The following PARD3B variants were observed in gnomAD, a reference collection of about 807,000 sequenced individuals.
The protein encoded by PARD3B is partitioning defective 3 homolog B.
Under a neutral mutation model 130.2 loss-of-function variants are expected in PARD3B, and 103 were observed. That is an observed-to-expected ratio of 0.79 (90% CI 0.67 to 0.93). PARD3B has a LOEUF of 0.93. Among genes scored for constraint, PARD3B ranks in the 40% least tolerant of loss-of-function variants. The probability of loss-of-function intolerance (pLI) is 0.00; values close to 1 mark genes in which losing one functional copy is unlikely to be tolerated. For synonymous variants in PARD3B, 583 were observed against 553.2 expected (o/e 1.05, Z -0.76); for missense variants, 1,609 against 1,499.2 (o/e 1.07, Z -1.21).
chr2:204,800,427 TAG>T (rs532907201), intron 2 of PARD3B, among the ~76,000 whole-genome samples: 2 of 150,882 alleles, frequency 1.3e-5, no homozygotes, highest in Non-Finnish European at 3.0e-5. Context: ...AAAAAGTCAG[TAG>T]AGAGAGAGAG....
rs1192852398 is a variant in PARD3B at position 205,401,021 on chromosome 2, A to G, written c.2639A>G (p.Lys880Arg). The G allele has an allele frequency of 1.3e-6, 2 of 1,596,102 alleles. No individual in the cohort carries two copies. The highest frequency in any genetic ancestry group is 2.7e-5 in the African/African-American group (2 of 74,796). ...CCTTCACGTTTCACTAGATTTGGAA[A>G]GAAGAAAGAGGATAAGGGTGGAAAG... ...KGFGAMLRFGKKKEDKGGKAE... is the reference protein window; with the variant it reads ...KGFGAMLRFGRKKEDKGGKAE... Residue 880 changes from lysine (K) to arginine (R), a missense_variant, in exon 19 of 23, where the codon AAG becomes AGG. Transcript: ENST00000406610.
rs112170180 is a variant in PARD3B, at chr2:205,209,411, T to A, written c.2140+16091T>A. Among the ~76,000 whole-genome samples the A allele has an allele frequency of 8.0e-3, 1,220 of 152,234 alleles. 17 individuals are homozygous for A. Among genetic ancestry groups the A allele is most frequent in the African/African-American group, 0.014 (573 of 41,556 alleles). On this transcript the variant is annotated intron_variant, in intron 15 of 22. Transcript: ENST00000406610. The stretch of plus-strand genomic sequence containing the variant: ...GTGTTCCTTTTTAAAGAACTTTTGT[T>A]TTCATATAAGAACATCTTCCTAAAA...
chr2:204,946,947 C>G (rs1305150050), intron 2 of PARD3B, among the ~76,000 whole-genome samples: 1 of 152,198 alleles, frequency 6.6e-6, no homozygotes, highest in African/African-American at 2.4e-5. Flanking sequence ...AGTCAGGCAG[C>G]AGAGACAGAT....
intron 1 of PARD3B, among the ~76,000 whole-genome samples, chr2:204,603,826 G>GTTTA (rs1227123321): frequency 6.6e-6 from 1 of 152,126 alleles, no homozygotes; most frequent in Admixed American, 6.6e-5. Flanking sequence ...AAAGATCTGT[G>GTTTA]TTTATTTTCT....
At chr2:205,081,167 T>C (rs1701382766) in intron 4 of PARD3B, among the ~76,000 whole-genome samples, 1 of 152,106 alleles carries the variant, frequency 6.6e-6, no homozygotes, top group Non-Finnish European at 1.5e-5. Context: ...GGTGCTTTTA[T>C]ATTCTGTTAA....
At chr2:204,725,908 A>G (rs950527990) in intron 2 of PARD3B, among the ~76,000 whole-genome samples, 1 of 152,230 alleles carries the variant, frequency 6.6e-6, no homozygotes, top group African/African-American at 2.4e-5. Flanking sequence ...ACAGTAGCTG[A>G]CAGACCATGT....
chr2:205,315,733 G>C (rs1431663690), intron 18 of PARD3B, among the ~76,000 whole-genome samples: 12 of 152,060 alleles, frequency 7.9e-5, no homozygotes, highest in Admixed American at 7.9e-4. Flanking sequence ...TCTCTTCACT[G>C]TTACCCAAAA....
At chr2:204,613,032 A>G (rs1057108419) in intron 1 of PARD3B, among the ~76,000 whole-genome samples, 2 of 152,144 alleles carry the variant, frequency 1.3e-5, no homozygotes, top group African/African-American at 4.8e-5. Flanking sequence ...TGAGTCACAC[A>G]GGATACTTGT....
At chr2:205,235,746 A>T (rs2039033987) in intron 15 of PARD3B, among the ~76,000 whole-genome samples, 4 of 152,220 alleles carry the variant, frequency 2.6e-5, no homozygotes, top group African/African-American at 9.6e-5. Flanking sequence ...TTATTTCTTG[A>T]ATTTTCCATT....
intron 4 of PARD3B, among the ~76,000 whole-genome samples, chr2:205,092,804 C>T (rs558652512): frequency 3.3e-5 from 5 of 152,256 alleles, no homozygotes; most frequent in East Asian, 1.9e-4. Flanking sequence ...TTTCCTTTCT[C>T]AGCTGGTGAG....
chr2:204,779,606 G>T (rs1222288099), intron 2 of PARD3B, among the ~76,000 whole-genome samples: 3 of 152,138 alleles, frequency 2.0e-5, no homozygotes, highest in Non-Finnish European at 4.4e-5. Context: ...GTAATAACAT[G>T]GCTGGTAATC....
intron 2 of PARD3B, among the ~76,000 whole-genome samples, chr2:204,932,623 CAAGA>C (rs1688113187): frequency 6.6e-6 from 1 of 152,026 alleles, no homozygotes; most frequent in African/African-American, 2.4e-5. Context: ...ATAATTTTGT[CAAGA>C]AAGAATGTGT....
chr2:205,198,542 C>A (rs1185229903), intron 15 of PARD3B, among the ~76,000 whole-genome samples: 1 of 152,124 alleles, frequency 6.6e-6, no homozygotes, highest in Non-Finnish European at 1.5e-5. Flanking sequence ...TTTTTAGACA[C>A]CCACAATTGA....
At chr2:205,200,466 C>T (rs1041488219) in intron 15 of PARD3B, among the ~76,000 whole-genome samples, 13 of 152,120 alleles carry the variant, frequency 8.5e-5, no homozygotes, top group African/African-American at 2.9e-4. Context: ...AAAAGGCACT[C>T]TTCACAAATT....
At chr2:204,552,996 C>CA (rs1442125054) in intron 1 of PARD3B, among the ~76,000 whole-genome samples, 1 of 152,114 alleles carries the variant, frequency 6.6e-6, no homozygotes, top group African/African-American at 2.4e-5. Context: ...AAAATCTTTG[C>CA]AATCTATACA....
At chr2:204,997,218 C>A (rs1052833126) in intron 3 of PARD3B, among the ~76,000 whole-genome samples, 21 of 152,170 alleles carry the variant, frequency 1.4e-4, no homozygotes, top group African/African-American at 4.8e-4. Context: ...AATGGTCAGG[C>A]TGTTCTTGGC....
At chr2:205,336,529 T>C (rs2043320129) in intron 18 of PARD3B, among the ~76,000 whole-genome samples, 1 of 152,248 alleles carries the variant, frequency 6.6e-6, no homozygotes, top group African/African-American at 2.4e-5. Flanking sequence ...ACAGTTACCA[T>C]TCTTTATTTC....
At chr2:204,938,850 A>G (rs1415003231) in intron 2 of PARD3B, among the ~76,000 whole-genome samples, 1 of 152,200 alleles carries the variant, frequency 6.6e-6, no homozygotes, top group Non-Finnish European at 1.5e-5. Flanking sequence ...AGCCCAGTGT[A>G]GTGCCTTGGA....
At chr2:205,472,192 A>G (rs957100243) in intron 20 of PARD3B, among the ~76,000 whole-genome samples, 1 of 152,124 alleles carries the variant, frequency 6.6e-6, no homozygotes, top group Non-Finnish European at 1.5e-5. Flanking sequence ...ATACATCTGA[A>G]TTGTCTCCTC....
Sources: allele counts gnomAD v4.1 joint callset (sites outside exome capture counted in the v4.1 genomes callset), GRCh38; gene constraint gnomAD v4.1.1; transcripts MANE v1.5; gene names NCBI Gene and HGNC (gene_info 2026-07-23, HGNC 2026-07-21).